SORBS2: variants seen among roughly 807,000 people sequenced by gnomAD.
SORBS2 encodes the protein sorbin and SH3 domain containing 2.
In SORBS2, 46 loss-of-function variants were observed where a neutral mutation model predicts 97.7. The observed-to-expected ratio is 0.47, with a 90% CI of 0.37 to 0.60. SORBS2 has a LOEUF of 0.60. Ranked by LOEUF, SORBS2 falls within the 20% of genes least tolerant of loss-of-function variation. The pLI is 0.00. For synonymous variants in SORBS2, 476 were observed against 473.4 expected (o/e 1.01, Z -0.07); for missense variants, 1,316 against 1,282.3 (o/e 1.03, Z -0.40).
chr4:185,646,454 C>T (rs111664306), intron 4 of SORBS2: 1 of 482,754 alleles, frequency 2.1e-6, no homozygotes, highest in South Asian at 3.3e-5. Context: ...CATACACACA[C>T]ACATACACTT....
chr4:185,759,625 TTTC>T (rs1484376699), intron 2 of SORBS2, among the ~76,000 whole-genome samples: 1 of 152,156 alleles, frequency 6.6e-6, no homozygotes, highest in Non-Finnish European at 1.5e-5. Flanking sequence ...GTTTTTTTTT[TTTC>T]TGTTACAGTT....
chr4:185,740,909 T>TAACTCAAACCAGCACC (rs1426125119), intron 2 of SORBS2, among the ~76,000 whole-genome samples: 13 of 139,040 alleles, frequency 9.3e-5, no homozygotes, highest in African/African-American at 3.6e-4. Flanking sequence ...GGACCAGCAC[T>TAACTCAAACCAGCACC]AACTCAAACC....
chr4:185,681,125 T>C (rs573577884), intron 2 of SORBS2, among the ~76,000 whole-genome samples: 2 of 152,304 alleles, frequency 1.3e-5, no homozygotes, highest in South Asian at 2.1e-4. Context: ...ATAAAGCTTA[T>C]GTTGATGATT....
intron 1 of SORBS2, among the ~76,000 whole-genome samples, chr4:185,857,954 T>G (rs2099221531): frequency 6.6e-6 from 1 of 152,210 alleles, no homozygotes; most frequent in South Asian, 2.1e-4. Flanking sequence ...CTTGTGATCT[T>G]GCTCTGCCTT....
exon 1 of SORBS2, chr4:185,656,865 G>T: frequency 7.7e-7 from 1 of 1,300,772 alleles, no homozygotes; most frequent in Non-Finnish European, 9.7e-7. Flanking sequence ...CAGCAGGCAC[G>T]GCTGAAGAGG....
At chr4:185,635,488 T>A in intron 4 of SORBS2, 77 bp from the exon 16 acceptor site, 1 of 1,099,184 alleles carries the variant, frequency 9.1e-7, no homozygotes, top group Non-Finnish European at 1.4e-6. Context: ...GGAATGAACA[T>A]GTGGAAAAGG....
At chr4:185,758,521 C>T (rs1000223791) in intron 2 of SORBS2, among the ~76,000 whole-genome samples, 1 of 152,136 alleles carries the variant, frequency 6.6e-6, no homozygotes, top group Non-Finnish European at 1.5e-5. Flanking sequence ...GCACTCACTG[C>T]CTCATTCAGT....
chr4:185,826,260 A>G (rs2099199679), intron 1 of SORBS2, among the ~76,000 whole-genome samples: 1 of 152,100 alleles, frequency 6.6e-6, no homozygotes, highest in African/African-American at 2.4e-5. Context: ...CATATTGAGG[A>G]CTTGGTGGAA....
At chr4:185,713,815 T>C (rs2098444197) in intron 2 of SORBS2, among the ~76,000 whole-genome samples, 1 of 152,250 alleles carries the variant, frequency 6.6e-6, no homozygotes, top group African/African-American at 2.4e-5. Context: ...TATTGCAGCC[T>C]GGTACACATT....
intron 1 of SORBS2, among the ~76,000 whole-genome samples, chr4:185,893,825 T>C (rs1346615890): frequency 6.6e-6 from 1 of 152,126 alleles, no homozygotes; most frequent in Non-Finnish European, 1.5e-5. Flanking sequence ...GATAAAACTC[T>C]CCTATAACCC....
At chr4:185,879,843 G>A (rs1197426307) in intron 1 of SORBS2, among the ~76,000 whole-genome samples, 2 of 152,210 alleles carry the variant, frequency 1.3e-5, no homozygotes, top group African/African-American at 2.4e-5. Flanking sequence ...ATGCACACTG[G>A]AGCATCAGCA....
intron 1 of SORBS2, among the ~76,000 whole-genome samples, chr4:185,906,027 T>C (rs2099250599): frequency 6.6e-6 from 1 of 152,146 alleles, no homozygotes; most frequent in Admixed American, 6.5e-5. Context: ...GGTCACACCA[T>C]GTGGTCCACT....
intron 1 of SORBS2, among the ~76,000 whole-genome samples, chr4:185,938,008 C>CTTTT (rs529655739): frequency 1.6e-5 from 2 of 121,328 alleles, no homozygotes; most frequent in East Asian, 2.4e-4. Flanking sequence ...AGAAATCATT[C>CTTTT]TTTTTTTTTT....
chr4:185,806,529 C>T (rs1325354619), intron 1 of SORBS2, among the ~76,000 whole-genome samples: 8 of 143,518 alleles, frequency 5.6e-5, no homozygotes, highest in Non-Finnish European at 1.1e-4. Flanking sequence ...GGGATCTCGG[C>T]TCACTGCAAG....
intron 1 of SORBS2, among the ~76,000 whole-genome samples, chr4:185,857,317 C>G (rs2099221051): frequency 6.6e-6 from 1 of 152,212 alleles, no homozygotes; most frequent in Non-Finnish European, 1.5e-5. Context: ...CTTCCCCAAT[C>G]AATACTCTTA....
intron 2 of SORBS2, among the ~76,000 whole-genome samples, chr4:185,721,168 G>T (rs4861676): frequency 0.81 from 120,293 of 148,452 alleles, 49,299 homozygotes; most frequent in Non-Finnish European, 0.89. Flanking sequence ...TCTGCCTCTC[G>T]GGTTCAAGTG....
At chr4:185,816,900 C>G (rs973838952) in intron 1 of SORBS2, among the ~76,000 whole-genome samples, 2 of 152,162 alleles carry the variant, frequency 1.3e-5, no homozygotes, top group African/African-American at 2.4e-5. Flanking sequence ...CCTATTAACA[C>G]AAAAACACTG....
chr4:185,830,099 G>A (rs945681934), intron 1 of SORBS2, among the ~76,000 whole-genome samples: 50 of 152,290 alleles, frequency 3.3e-4, no homozygotes, highest in African/African-American at 1.2e-3. Context: ...CATGCCATTT[G>A]ATTATACATT....
At chr4:185,798,586 A>C (rs969517473) in intron 1 of SORBS2, among the ~76,000 whole-genome samples, 1 of 152,234 alleles carries the variant, frequency 6.6e-6, no homozygotes, top group Non-Finnish European at 1.5e-5. Flanking sequence ...AAAAAAGTGG[A>C]TCTTTCTTTG....
Sources: allele counts gnomAD v4.1 joint callset (sites outside exome capture counted in the v4.1 genomes callset), GRCh38; gene constraint gnomAD v4.1.1; transcripts MANE v1.5; gene names NCBI Gene and HGNC (gene_info 2026-07-23, HGNC 2026-07-21).